The following KCNN3 variants were observed in gnomAD, a reference collection of about 807,000 sequenced individuals.
KCNN3 encodes potassium calcium-activated channel subfamily N member 3.
Under a neutral mutation model 62.9 loss-of-function variants are expected in KCNN3, and 16 were observed. That is an observed-to-expected ratio of 0.25 (90% CI 0.17 to 0.39). KCNN3 has a LOEUF of 0.39. KCNN3 is among the 10% of genes least tolerant of loss of function. The pLI is 1.00. For synonymous variants in KCNN3, 370 were observed against 389.2 expected (o/e 0.95, Z 0.58); for missense variants, 599 against 949.4 (o/e 0.63, Z 4.85).
At chr1:154,813,931 C>A (rs1209240121) in intron 2 of KCNN3, among the ~76,000 whole-genome samples, 1 of 152,218 alleles carries the variant, frequency 6.6e-6, no homozygotes, top group Admixed American at 6.5e-5. Flanking sequence ...AAGGGTTAAG[C>A]CCAAGTGTTT....
intron 1 of KCNN3, among the ~76,000 whole-genome samples, chr1:154,844,342 G>A (rs570557678): frequency 1.3e-5 from 2 of 152,338 alleles, no homozygotes; most frequent in South Asian, 2.1e-4. Flanking sequence ...CATTAGACAT[G>A]AAAACAGTCT....
At chr1:154,732,878 G>T in intron 4 of KCNN3, 125 bp downstream of exon 4, 1 of 918,492 alleles carries the variant, frequency 1.1e-6, no homozygotes, top group Non-Finnish European at 1.8e-6. Flanking sequence ...GGACACACAT[G>T]CAGGTCGGTT....
intron 1 of KCNN3, among the ~76,000 whole-genome samples, chr1:154,842,610 T>C (rs1345187623): frequency 6.9e-6 from 1 of 144,408 alleles, no homozygotes; most frequent in Non-Finnish European, 1.5e-5. Context: ...CTGGTTTCCC[T>C]CCTGTGGCTC....
intron 1 of KCNN3, among the ~76,000 whole-genome samples, chr1:154,859,229 A>C (rs1202986103): frequency 6.6e-6 from 1 of 152,268 alleles, no homozygotes; most frequent in Non-Finnish European, 1.5e-5. Context: ...AAAAGAAAGA[A>C]AATAGCTAAA....
chr1:154,810,417 A>T (rs1420768768), intron 2 of KCNN3, among the ~76,000 whole-genome samples: 1 of 151,474 alleles, frequency 6.6e-6, no homozygotes, highest in Non-Finnish European at 1.5e-5. Context: ...AAGACCCAGT[A>T]TGGGGCTCAG....
chr1:154,816,914 C>T (rs1359784773), intron 2 of KCNN3, among the ~76,000 whole-genome samples: 9 of 152,216 alleles, frequency 5.9e-5, no homozygotes. Flanking sequence ...TCCCACCCTC[C>T]ATAGTGAACT....
chr1:154,815,816 G>C (rs1295628146), intron 2 of KCNN3, among the ~76,000 whole-genome samples: 1 of 152,180 alleles, frequency 6.6e-6, no homozygotes, highest in Non-Finnish European at 1.5e-5. Context: ...GGGAGGGTGA[G>C]GGCACAGAGC....
At position 154,714,543 on chromosome 1, in the gene KCNN3, G is replaced by GGTGT. The variant is rs755571061; in HGVS notation, c.1829+329_1829+332dup. Among the ~76,000 whole-genome samples, 143 of 26,736 alleles carry GGTGT rather than the reference G, an allele frequency of 5.3e-3. 5 individuals are homozygous for GGTGT. The highest frequency in any genetic ancestry group is 8.8e-3 in the Non-Finnish European group (129 of 14,730). 17.5% of individuals were successfully genotyped at this position (26,736 alleles called of 152,430 possible). A position where few individuals can be genotyped will look rare whatever the true frequency, so the allele number is the denominator to read the frequency against. ...TGGTGTTTGTGTGTGGTGTGTGTGGGGTGTGTGTGTGTGGTGTGTGTGTGG... is the reference window on the plus strand; with the variant it reads ...TGGTGTTTGTGTGTGGTGTGTGTGGGGTGTGTGTGTGTGTGTGGTGTGTGTGTGG... On this transcript the variant is annotated intron_variant, in intron 6 of 7. Transcript: ENST00000271915.
chr1:154,710,049 C>T, intron 7 of KCNN3, among the ~76,000 whole-genome samples: 1 of 152,182 alleles, frequency 6.6e-6, no homozygotes, highest in Middle Eastern at 3.2e-3. Flanking sequence ...ATCACCTGAG[C>T]CTCCGATGGT....
intron 1 of KCNN3, among the ~76,000 whole-genome samples, chr1:154,829,308 T>C (rs1247168547): frequency 6.6e-6 from 1 of 152,136 alleles, no homozygotes; most frequent in Non-Finnish European, 1.5e-5. Flanking sequence ...TGCGCTCGAG[T>C]GACCAGCTCT....
At chr1:154,841,184 T>C (rs1227938593) in intron 1 of KCNN3, among the ~76,000 whole-genome samples, 2 of 152,174 alleles carry the variant, frequency 1.3e-5, no homozygotes, top group Non-Finnish European at 2.9e-5. Flanking sequence ...AAACCCACTG[T>C]GGTATAAAAA....
intron 4 of KCNN3, among the ~76,000 whole-genome samples, chr1:154,731,609 G>C (rs1446326738): frequency 1.3e-5 from 2 of 152,230 alleles, no homozygotes; most frequent in Non-Finnish European, 2.9e-5. Flanking sequence ...CCCTCCCTTT[G>C]CACTGCAGAA....
chr1:154,857,043 T>C (rs1652561008), intron 1 of KCNN3, among the ~76,000 whole-genome samples: 1 of 152,144 alleles, frequency 6.6e-6, no homozygotes, highest in Admixed American at 6.5e-5. Flanking sequence ...ATCAGACCTG[T>C]TGTTACTTGT....
intron 1 of KCNN3, among the ~76,000 whole-genome samples, chr1:154,834,652 G>C (rs1198099842): frequency 1.3e-5 from 2 of 152,172 alleles, no homozygotes; most frequent in African/African-American, 4.8e-5. Context: ...CTGAGTACCT[G>C]TTATATGACA....
chr1:154,797,901 T>C (rs1649798283), intron 2 of KCNN3, among the ~76,000 whole-genome samples: 2 of 152,152 alleles, frequency 1.3e-5, no homozygotes, highest in Non-Finnish European at 2.9e-5. Flanking sequence ...AGTTTCCTCA[T>C]CTGTTCAATA....
chr1:154,765,628 CTTTTT>C (rs55633526), intron 3 of KCNN3, among the ~76,000 whole-genome samples: 2 of 129,720 alleles, frequency 1.5e-5, no homozygotes. Context: ...TTTCTTTTTC[CTTTTT>C]TTTTTTTTTT....
chr1:154,777,219 T>G (rs1453112247), intron 2 of KCNN3, among the ~76,000 whole-genome samples: 1 of 151,912 alleles, frequency 6.6e-6, no homozygotes, highest in African/African-American at 2.4e-5. Flanking sequence ...ACACAGACCC[T>G]CTTGCTCGCA....
intron 2 of KCNN3, among the ~76,000 whole-genome samples, chr1:154,797,189 G>A (rs1176015289): frequency 6.6e-6 from 1 of 152,180 alleles, no homozygotes; most frequent in African/African-American, 2.4e-5. Context: ...TCTGGCCTTG[G>A]GGTCCCTTAA....
intron 7 of KCNN3, among the ~76,000 whole-genome samples, chr1:154,712,679 C>G (rs1001420996): frequency 6.6e-6 from 1 of 152,132 alleles, no homozygotes; most frequent in Non-Finnish European, 1.5e-5. Flanking sequence ...ACTTAATATA[C>G]AATTCCTATC....
Sources: gnomAD v4.1 joint callset for allele counts (sites outside exome capture counted in the v4.1 genomes callset) on GRCh38, gnomAD v4.1.1 for gene constraint, MANE v1.5 for transcripts, NCBI Gene and HGNC (gene_info 2026-07-23, HGNC 2026-07-21) for gene names.